Variants in KCNJ16 observed in about 807,000 individuals in gnomAD.
KCNJ16 encodes inward rectifier potassium channel 16.
A neutral mutation model predicts 18.5 loss-of-function variants in KCNJ16; 15 were observed. The ratio of observed to expected loss-of-function variants is 0.81; its 90% confidence interval spans 0.54 to 1.25. The LOEUF is 1.25. Ranked by LOEUF, KCNJ16 falls within the 50% of genes most tolerant of loss-of-function variation. The pLI, the probability that KCNJ16 is intolerant of heterozygous loss-of-function variation, is 0.00. For synonymous variants in KCNJ16, 174 were observed against 186.5 expected (o/e 0.93, Z 0.55); for missense variants, 523 against 525.7 (o/e 0.99, Z 0.05).
intron 1 of KCNJ16, among the ~76,000 whole-genome samples, chr17:70,093,252 C>T (rs1323408903): frequency 6.6e-6 from 1 of 152,196 alleles, no homozygotes; most frequent in Non-Finnish European, 1.5e-5. Flanking sequence ...TGTATTTTCT[C>T]ACAGTTCAAG....
intron 2 of KCNJ16, among the ~76,000 whole-genome samples, chr17:70,130,149 C>T (rs1394825494): frequency 6.6e-6 from 1 of 152,160 alleles, no homozygotes; most frequent in Non-Finnish European, 1.5e-5. Context: ...ATCCCATTCT[C>T]ATGCCTCCTA....
At chr17:70,113,820 A>T (rs1396939382) in intron 2 of KCNJ16, among the ~76,000 whole-genome samples, 5 of 152,122 alleles carry the variant, frequency 3.3e-5, no homozygotes. Flanking sequence ...AAAAAGTGTG[A>T]TTGGAAGAGA....
At chr17:70,111,305 T>C (rs1231162139) in intron 2 of KCNJ16, among the ~76,000 whole-genome samples, 2 of 152,044 alleles carry the variant, frequency 1.3e-5, no homozygotes, top group Non-Finnish European at 2.9e-5. Flanking sequence ...AAGATGGCTA[T>C]TAGGATTATG....
intron 2 of KCNJ16, among the ~76,000 whole-genome samples, chr17:70,115,436 G>C (rs1455935203): frequency 1.3e-5 from 2 of 152,050 alleles, no homozygotes; most frequent in Admixed American, 1.3e-4. Context: ...CCATTTACTT[G>C]AGTTTTGTAC....
Position 70,134,654 on chromosome 17 carries a change from A to C in KCNJ16, c.*1310A>C, listed in dbSNP as rs1309094017. On this transcript the variant is annotated 3_prime_UTR_variant, in exon 4 of 4. Coordinates refer to ENST00000392671, the MANE Select transcript of KCNJ16 (RefSeq NM_170741.4). ...AAACTTTATAAATCAAAGAGATATTAGGAACATTCAGAATTATTTGTGTTT... is the reference window on the plus strand; with the variant it reads ...AAACTTTATAAATCAAAGAGATATTCGGAACATTCAGAATTATTTGTGTTT... 1 of 167,058 alleles carries C rather than the reference A, an allele frequency of 6.0e-6. No individual in the cohort carries two copies. Among genetic ancestry groups the C allele is most frequent in the Non-Finnish European group, 1.5e-5 (1 of 68,130 alleles). 10.3% of individuals were successfully genotyped at this position (167,058 alleles called of 1,614,324 possible). A position where few individuals can be genotyped will look rare whatever the true frequency, so the allele number is the denominator to read the frequency against.
chr17:70,079,466 C>A (rs554761393), intron 1 of KCNJ16, among the ~76,000 whole-genome samples: 1 of 152,226 alleles, frequency 6.6e-6, no homozygotes, highest in African/African-American at 2.4e-5. Context: ...CATAGCCTAG[C>A]CAAGTTGACA....
At position 70,134,513 on chromosome 17, in the gene KCNJ16, T is replaced by C. The variant is rs1451991957; in HGVS notation, c.*1169T>C. On this transcript the variant is annotated 3_prime_UTR_variant, in exon 4 of 4. Coordinates refer to ENST00000392671, the MANE Select transcript of KCNJ16 (RefSeq NM_170741.4). Reference sequence around the variant, plus strand: ...ATGCACAGTAAGTGGATAATCTGAGTACAATGAAATTTCTTAAGTTTTAGA... The same window carrying C: ...ATGCACAGTAAGTGGATAATCTGAGCACAATGAAATTTCTTAAGTTTTAGA... 6.0e-6 allele frequency: 1 copy of C among 166,926 alleles called. No individual in the cohort carries two copies. The highest frequency in any genetic ancestry group is 1.5e-5 in the Non-Finnish European group (1 of 68,122). The allele number at this position is 166,926 out of a possible 1,614,324, so 10.3% of individuals were successfully genotyped here. A position where few individuals can be genotyped will look rare whatever the true frequency, so the allele number is the denominator to read the frequency against.
chr17:70,117,138 A>G (rs965698960), intron 2 of KCNJ16, among the ~76,000 whole-genome samples: 1 of 152,154 alleles, frequency 6.6e-6, no homozygotes, highest in Non-Finnish European at 1.5e-5. Context: ...AGAACAAAAT[A>G]ATGTCCTTTG....
At chr17:70,115,278 A>C (rs545648402) in intron 2 of KCNJ16, among the ~76,000 whole-genome samples, 10 of 152,194 alleles carry the variant, frequency 6.6e-5, no homozygotes, top group African/African-American at 2.2e-4. Context: ...CCACTATACT[A>C]TACTGCTTGT....
chr17:70,089,933 C>G (rs2072008163), intron 1 of KCNJ16, among the ~76,000 whole-genome samples: 1 of 152,214 alleles, frequency 6.6e-6, no homozygotes, highest in Non-Finnish European at 1.5e-5. Flanking sequence ...AAATTATGCA[C>G]TGCTGCTTTG....
rs1018296076 is a variant in KCNJ16 at position 70,132,049 on chromosome 17, C to G, written c.-39C>G. 1.2e-5 allele frequency: 20 copies of G among 1,612,984 alleles called. No homozygotes were observed. The highest frequency in any genetic ancestry group is 1.6e-5 in the Non-Finnish European group (19 of 1,179,820). ...AGCAACAAGTCTAGAATTCTTACTA[C>G]TACAAAACTCACCTGGATCCCTAAG... On this transcript the variant is annotated 5_prime_UTR_variant, in exon 4 of 4. Transcript: ENST00000392671.
At chr17:70,100,100 C>T (rs1211450288) in intron 1 of KCNJ16, among the ~76,000 whole-genome samples, 1 of 152,108 alleles carries the variant, frequency 6.6e-6, no homozygotes, top group Non-Finnish European at 1.5e-5. Context: ...ACAGGAAGCC[C>T]TCAGGCCGGC....
chr17:70,102,981 C>T lies in KCNJ16; in HGVS notation c.-191+2215C>T, dbSNP rs193223341. 4.7e-4 allele frequency among the ~76,000 whole-genome samples: 71 copies of T among 151,506 alleles called. 1 individual carries two copies. Among genetic ancestry groups the T allele is most frequent in the Admixed American group, 9.2e-4 (14 of 15,168 alleles). On this transcript the variant is annotated intron_variant, in intron 2 of 3. Coordinates refer to ENST00000392671, the MANE Select transcript of KCNJ16 (RefSeq NM_170741.4). Reference sequence around the variant, plus strand: ...ACAGGGTCTCACTCTGCCGCTCTGGCTGGAGGGCAGTGGCATGACCAGGGC... The same window carrying T: ...ACAGGGTCTCACTCTGCCGCTCTGGTTGGAGGGCAGTGGCATGACCAGGGC...
intron 2 of KCNJ16, among the ~76,000 whole-genome samples, chr17:70,116,116 C>T (rs117714536): frequency 0.016 from 2,474 of 152,204 alleles, 33 homozygotes; most frequent in Non-Finnish European, 0.026. Flanking sequence ...AAACTAATCA[C>T]ATCAAAATTA....
Position 70,132,144 on chromosome 17 carries a change from C to G in KCNJ16, c.57C>G (p.Gly19=). Residue 19 remains glycine, a synonymous_variant, in exon 4 of 4, where the codon GGC becomes GGG. Transcript: ENST00000392671. ...HIINADAKYP[G]YPPEHIIAEK... ...TCAATGCGGACGCAAAATACCCAGG[C>G]TACCCGCCAGAGCACATTATAGCTG... 6.2e-7 allele frequency: 1 copy of G among 1,614,180 alleles called. No homozygotes were observed.
At chr17:70,121,144 G>T (rs2073621990) in intron 2 of KCNJ16, among the ~76,000 whole-genome samples, 1 of 152,118 alleles carries the variant, frequency 6.6e-6, no homozygotes, top group Admixed American at 6.5e-5. Flanking sequence ...CTGGAGGATG[G>T]CAGGGGTATC....
intron 2 of KCNJ16, among the ~76,000 whole-genome samples, chr17:70,130,636 A>G (rs762403891): frequency 8.9e-4 from 135 of 152,282 alleles, no homozygotes; most frequent in Non-Finnish European, 1.4e-3. Flanking sequence ...TGCAGCAGAG[A>G]AGGTGCTGAA....
At chr17:70,092,612 T>TAGATA (rs534583488) in intron 1 of KCNJ16, among the ~76,000 whole-genome samples, 135 of 149,718 alleles carry the variant, frequency 9.0e-4, no homozygotes, top group Non-Finnish European at 1.7e-3. Flanking sequence ...GATAGATAGA[T>TAGATA]GAGATTCATA....
intron 2 of KCNJ16, among the ~76,000 whole-genome samples, chr17:70,115,347 A>ATATC (rs879745484): frequency 0.086 from 13,004 of 152,070 alleles, 1,856 homozygotes; most frequent in African/African-American, 0.3. Flanking sequence ...TTATGCCTAA[A>ATATC]TAGCTGGGGA....
Sources: gnomAD v4.1 joint callset for allele counts (sites outside exome capture counted in the v4.1 genomes callset) on GRCh38, gnomAD v4.1.1 for gene constraint, MANE v1.5 for transcripts, NCBI Gene and HGNC (gene_info 2026-07-23, HGNC 2026-07-21) for gene names.